The following WFDC9 variants were observed in gnomAD, a reference collection of about 807,000 sequenced individuals.
WFDC9 encodes WAP four-disulfide core domain 9.
WFDC9 carries 9 observed loss-of-function variants against 9.5 expected under a neutral mutation model. The ratio of observed to expected loss-of-function variants is 0.95; its 90% CI spans 0.57 to 1.65. The LOEUF is 1.65. Among genes scored for constraint, WFDC9 ranks in the 40% most tolerant of loss-of-function variants. WFDC9 has a pLI of 0.00. For missense variants in WFDC9, 87 were observed against 106.7 expected, an observed-to-expected ratio of 0.82 and a Z score of 0.81; for synonymous variants, 33 against 32.3, an observed-to-expected ratio of 1.02 and a Z score of -0.07.
At chr20:45,614,605 T>C (rs1981934221) in intron 2 of WFDC9, 23 bp downstream of exon 2, 1 of 152,198 alleles carries the variant, frequency 6.6e-6, no homozygotes, top group African/African-American at 2.4e-5. Flanking sequence ...AGCTCATGTC[T>C]CAAGACCTTT....
intron 1 of WFDC9, among the ~76,000 whole-genome samples, chr20:45,627,110 G>T (rs960900469): frequency 3.3e-5 from 5 of 152,126 alleles, no homozygotes; most frequent in African/African-American, 9.7e-5. Context: ...TTGATGTGAA[G>T]TATCACATTT....
intron 1 of WFDC9, among the ~76,000 whole-genome samples, chr20:45,620,311 C>T (rs113933489): frequency 3.0e-4 from 46 of 152,242 alleles, no homozygotes; most frequent in African/African-American, 1.0e-3. Flanking sequence ...CTCAAACCTG[C>T]TCAATTGGGC....
At chr20:45,626,677 T>C (rs1982225680) in intron 1 of WFDC9, among the ~76,000 whole-genome samples, 1 of 152,260 alleles carries the variant, frequency 6.6e-6, no homozygotes, top group African/African-American at 2.4e-5. Flanking sequence ...TCTACAGGTT[T>C]CTTGGTAGAG....
intron 1 of WFDC9, 176 bp downstream of exon 1, chr20:45,631,027 G>C (rs755380984): frequency 1.3e-6 from 2 of 1,589,936 alleles, no homozygotes; most frequent in Non-Finnish European, 1.7e-6. Flanking sequence ...GAGTGGGAGA[G>C]TGGGCTGGGA....
At chr20:45,630,747 G>A in intron 1 of WFDC9, 3 of 1,127,714 alleles carry the variant, frequency 2.7e-6, no homozygotes, top group Non-Finnish European at 3.6e-6. Flanking sequence ...GTAGTTCTAT[G>A]AAGAAGGAAT....
At chr20:45,630,825 T>C in intron 1 of WFDC9, 1 of 1,515,016 alleles carries the variant, frequency 6.6e-7, no homozygotes. Context: ...AGAAAAATGT[T>C]CTCTAGGAAA....
At chr20:45,614,562 G>GCC (rs1981933051) in intron 2 of WFDC9, 66 bp downstream of exon 2, 1 of 152,066 alleles carries the variant, frequency 6.6e-6, no homozygotes, top group African/African-American at 2.4e-5. Flanking sequence ...CACCATCTGG[G>GCC]CTAGGAATTA....
Position 45,610,212 on chromosome 20 carries a change from C to A in WFDC9, c.-31G>T, listed in dbSNP as rs1981830069. 1 of 1,600,124 alleles carries A rather than the reference C, an allele frequency of 6.2e-7. No homozygotes were observed. The highest frequency in any genetic ancestry group is 8.6e-7 in the Non-Finnish European group (1 of 1,168,608). ...TCTCTGTGTGTATTTGGGTTAAGTT[C>A]TGGCAGAAGGCAAGTCTTTTCCCAA... On this transcript the variant is annotated 5_prime_UTR_variant, in exon 3 of 5. It introduces an in-frame stop codon into an upstream open reading frame of the 5' UTR. Transcript: ENST00000326000.
intron 1 of WFDC9, among the ~76,000 whole-genome samples, chr20:45,617,608 C>T (rs1318610586): frequency 6.6e-6 from 1 of 152,196 alleles, no homozygotes; most frequent in Non-Finnish European, 1.5e-5. Context: ...GATCCTCCTT[C>T]CTCATCCTCC....
At chr20:45,610,856 C>T (rs1456628130) in intron 2 of WFDC9, among the ~76,000 whole-genome samples, 2 of 152,288 alleles carry the variant, frequency 1.3e-5, no homozygotes, top group Non-Finnish European at 2.9e-5. Flanking sequence ...AAGCTTTGCT[C>T]GTGAAAGCCG....
intron 1 of WFDC9, among the ~76,000 whole-genome samples, chr20:45,615,025 C>G (rs1353295563): frequency 6.6e-6 from 1 of 152,176 alleles, no homozygotes; most frequent in Non-Finnish European, 1.5e-5. Flanking sequence ...AAGTTGGGAA[C>G]AGTCTACATT....
At chr20:45,626,905 A>C (rs145943675) in intron 1 of WFDC9, among the ~76,000 whole-genome samples, 1 of 152,184 alleles carries the variant, frequency 6.6e-6, no homozygotes, top group South Asian at 2.1e-4. Flanking sequence ...CAGTTCTTAG[A>C]GGAAAAGTTT....
intron 3 of WFDC9, 74 bp from the exon 4 acceptor site, chr20:45,608,884 C>T (rs2145593903): frequency 1.4e-6 from 2 of 1,458,036 alleles, no homozygotes; most frequent in Non-Finnish European, 1.8e-6. Flanking sequence ...CTTAACAATC[C>T]CTTCTGAAAC....
intron 1 of WFDC9, among the ~76,000 whole-genome samples, chr20:45,624,182 ACT>A (rs1050287857): frequency 5.3e-5 from 8 of 151,924 alleles, no homozygotes; most frequent in South Asian, 2.1e-4. Context: ...ACAGAGCAAG[ACT>A]CTGTCTCAAA....
intron 1 of WFDC9, among the ~76,000 whole-genome samples, chr20:45,618,157 C>A (rs568457414): frequency 6.6e-5 from 10 of 152,150 alleles, no homozygotes; most frequent in African/African-American, 2.4e-4. Flanking sequence ...CCTCATGAAC[C>A]AACCTCTGCT....
chr20:45,630,462 C>A (rs576927108), intron 1 of WFDC9, among the ~76,000 whole-genome samples: 1 of 152,172 alleles, frequency 6.6e-6, no homozygotes, highest in South Asian at 2.1e-4. Flanking sequence ...AGACAAGAGG[C>A]ATGTTGATCC....
At chr20:45,613,318 T>C (rs1981901535) in intron 2 of WFDC9, among the ~76,000 whole-genome samples, 1 of 152,216 alleles carries the variant, frequency 6.6e-6, no homozygotes, top group African/African-American at 2.4e-5. Flanking sequence ...TACTGAACAA[T>C]GCTGCTCTAG....
intron 1 of WFDC9, among the ~76,000 whole-genome samples, chr20:45,628,866 G>T (rs1568655476): frequency 6.6e-6 from 1 of 152,102 alleles, no homozygotes; most frequent in Admixed American, 6.5e-5. Flanking sequence ...ATGCCTACTG[G>T]GAGTCCAGTG....
intron 1 of WFDC9, among the ~76,000 whole-genome samples, chr20:45,624,849 T>A (rs1982181694): frequency 6.6e-6 from 1 of 152,212 alleles, no homozygotes; most frequent in Non-Finnish European, 1.5e-5. Context: ...AATGAAGTCA[T>A]TTTTTTCATA....
Sources: allele counts gnomAD v4.1 joint callset (sites outside exome capture counted in the v4.1 genomes callset), GRCh38; gene constraint gnomAD v4.1.1; transcripts MANE v1.5; gene names NCBI Gene and HGNC (gene_info 2026-07-23, HGNC 2026-07-21).